Variants in IRF8 observed in about 807,000 individuals in gnomAD.
The protein encoded by IRF8 is interferon consensus sequence binding protein 1.
A neutral mutation model predicts 48.7 loss-of-function variants in IRF8; 14 were observed. The observed-to-expected ratio is 0.29, with a 90% CI of 0.19 to 0.45. The LOEUF is 0.45. Among genes scored for constraint, IRF8 ranks in the 20% least tolerant of loss-of-function variants. IRF8 has a pLI of 1.00. For missense variants in IRF8, 493 were observed against 580.7 expected, an observed-to-expected ratio of 0.85 and a Z score of 1.55; for synonymous variants, 278 against 227.3, an observed-to-expected ratio of 1.22 and a Z score of -2.01.
At position 85,919,649 on chromosome 16, in the gene IRF8, C is replaced by T. The variant is rs368638556; in HGVS notation, c.989-460C>T. 2.6e-5 allele frequency among the ~76,000 whole-genome samples: 4 copies of T among 152,334 alleles called. No individual in the cohort carries two copies. In the East Asian group the frequency reaches 5.8e-4, roughly 22 times the overall value. On this transcript the variant is annotated intron_variant, in intron 7 of 8. Coordinates refer to ENST00000268638, the MANE Select transcript of IRF8 (RefSeq NM_002163.4). ...ATCCTCTGATTCCATGGGTCTGAGG[C>T]GGGGCCCAAGATTCTACATTTCTAA...
chr16:85,903,075 T>C lies in IRF8; in HGVS notation c.60T>C (p.Ser20=), dbSNP rs763711333. 1 of 1,614,214 alleles carries C rather than the reference T, an allele frequency of 6.2e-7. No individual in the cohort carries two copies. The highest frequency in any genetic ancestry group is 8.5e-7 in the Non-Finnish European group (1 of 1,180,022). ...LRQWLIEQID[S]SMYPGLIWEN... is the part of the protein sequence containing the mutation. ...AGTGGCTGATCGAGCAGATTGACAGTAGCATGTATCCAGGACTGATTTGGG... is the reference window on the plus strand; with the variant it reads ...AGTGGCTGATCGAGCAGATTGACAGCAGCATGTATCCAGGACTGATTTGGG... Residue 20 remains serine (S), a synonymous_variant, in exon 2 of 9, where the codon AGT becomes AGC. Transcript: ENST00000268638.
chr16:85,903,284 TA>T, intron 2 of IRF8, 95 bp downstream of exon 2: 1 of 1,216,380 alleles, frequency 8.2e-7, no homozygotes, highest in Non-Finnish European at 1.2e-6. Context: ...CTCATTTACT[TA>T]AAAATTAATC....
chr16:85,911,298 A>G (rs911788556), intron 3 of IRF8, among the ~76,000 whole-genome samples: 2 of 152,208 alleles, frequency 1.3e-5, no homozygotes, highest in African/African-American at 2.4e-5. Flanking sequence ...ATCTCAGAAA[A>G]TAGAAGAAAG....
Position 85,903,111 on chromosome 16 carries a change from G to C in IRF8, c.96G>C (p.Glu32Asp), listed in dbSNP as rs747326308. 3.7e-6 allele frequency: 6 copies of C among 1,614,170 alleles called. No individual in the cohort carries two copies. The East Asian group carries it at 1.3e-4, about 36-fold the overall frequency. Reference protein sequence around the residue: ...MYPGLIWENEEKSMFRIPWKH... With the variant: ...MYPGLIWENEDKSMFRIPWKH... ...CAGGACTGATTTGGGAGAATGAGGA[G>C]AAGAGCATGTTCCGGATCCCTTGGA... Residue 32 changes from glutamate to aspartate, a missense_variant, in exon 2 of 9, where the codon GAG becomes GAC. Physicochemically the swap from Glu to Asp is conservative, Grantham distance 45. Transcript: ENST00000268638.
Position 85,914,446 on chromosome 16 carries a change from G to C in IRF8, c.554-27G>C, listed in dbSNP as rs745400044. ...CTGTACACCACACCTGGGTGGCTCTGAGCTTGCTTTTCTGTTTCTCCTGCA... is the reference window on the plus strand; with the variant it reads ...CTGTACACCACACCTGGGTGGCTCTCAGCTTGCTTTTCTGTTTCTCCTGCA... On this transcript the variant is annotated intron_variant, in intron 5 of 8. Transcript: ENST00000268638. The C allele has an allele frequency of 1.9e-5, 31 of 1,613,986 alleles. No homozygotes were observed. The East Asian group carries it at 6.7e-4, about 35-fold the overall frequency.
intron 4 of IRF8, 48 bp downstream of exon 4, chr16:85,911,706 T>G (rs1905149302): frequency 6.6e-7 from 1 of 1,518,318 alleles, no homozygotes; most frequent in African/African-American, 1.4e-5. Flanking sequence ...AGGAGGAGTC[T>G]CATGTCTTCT....
Position 85,908,927 on chromosome 16 carries a change from GGTGACGGATATTT to G in IRF8, c.175-58_175-46del, listed in dbSNP as rs1905072230. The G allele has an allele frequency of 2.1e-6, 3 of 1,402,198 alleles. 1 individual carries two copies. The East Asian group carries it at 6.8e-5, about 32-fold the overall frequency. The allele number at this position is 1,402,198 out of a possible 1,614,324, so 86.9% of individuals were successfully genotyped here. A position where few individuals can be genotyped will look rare whatever the true frequency, so the allele number is the denominator to read the frequency against. ...GAAGGATGTGTGGGGTCCTGGTCATGGTGACGGATATTTGTGATTGGAGTCGGCCATGAATTTA... is the reference window on the plus strand; with the variant it reads ...GAAGGATGTGTGGGGTCCTGGTCATGGTGATTGGAGTCGGCCATGAATTTA... On this transcript the variant is annotated intron_variant, in intron 2 of 8. Coordinates refer to ENST00000268638, the MANE Select transcript of IRF8 (RefSeq NM_002163.4).
intron 1 of IRF8, among the ~76,000 whole-genome samples, chr16:85,901,562 G>A (rs1390978062): frequency 1.3e-5 from 2 of 152,100 alleles, no homozygotes; most frequent in East Asian, 3.8e-4. Flanking sequence ...AGGCTGCCGC[G>A]AGCTATGATG....
chr16:85,916,697 T>C (rs911369363), intron 6 of IRF8, among the ~76,000 whole-genome samples: 8 of 151,982 alleles, frequency 5.3e-5, no homozygotes, highest in African/African-American at 1.7e-4. Context: ...GCCAAAGGGG[T>C]GACGGAGTTG....
At chr16:85,917,933 G>A (rs1039778326) in intron 6 of IRF8, among the ~76,000 whole-genome samples, 24 of 152,212 alleles carry the variant, frequency 1.6e-4, no homozygotes, top group Admixed American at 1.4e-3. Flanking sequence ...TACCAAGGGC[G>A]CTGTGAATTT....
In IRF8 at chr16:85,921,477, G is replaced by A. The variant is rs565899571; in HGVS notation, c.*195G>A. 25 of 645,566 alleles carry A rather than the reference G, an allele frequency of 3.9e-5. No homozygotes were observed. The highest frequency in any genetic ancestry group is 2.0e-4 in the East Asian group (7 of 35,880). The allele number at this position is 645,566 out of a possible 1,614,324, so 40.0% of individuals were successfully genotyped here. A position where few individuals can be genotyped will look rare whatever the true frequency, so the allele number is the denominator to read the frequency against. On this transcript the variant is annotated 3_prime_UTR_variant, in exon 9 of 9. Transcript: ENST00000268638. ...GGCGGCATAGCCCTGCCGAGATGTC[G>A]GTGATGGCCTGGATGCTGTAACCAC...
In IRF8 at chr16:85,920,152, C is replaced by T; in HGVS notation, c.1032C>T (p.Gly344=). The T allele has an allele frequency of 6.2e-7, 1 of 1,611,736 alleles. No individual in the cohort carries two copies. Among genetic ancestry groups the T allele is most frequent in the Non-Finnish European group, 8.5e-7 (1 of 1,178,734 alleles). Residue 344 remains glycine, a synonymous_variant, in exon 8 of 9, where the codon GGC becomes GGT. Coordinates refer to ENST00000268638, the MANE Select transcript of IRF8 (RefSeq NM_002163.4). ...ACAGCCAGGGCCGGCTTCCTGACGG[C>T]AGGGTGGTGCTGTGCTTTGGGGAAG... ...FYNSQGRLPD[G]RVVLCFGEEF...
chr16:85,908,094 T>C (rs906516043), intron 2 of IRF8, among the ~76,000 whole-genome samples: 29 of 152,382 alleles, frequency 1.9e-4, no homozygotes, highest in African/African-American at 6.7e-4. Flanking sequence ...TACTTACCTC[T>C]TGGAATTGCA....
rs746741171 is a variant in IRF8 at position 85,921,184 on chromosome 16, G to A, written c.1183G>A (p.Glu395Lys). ...AGCCGGCTCTGTGATGCAGGCCCCCGAGGAGCCGCCGCCAGACCAGGTCTT... is the reference window on the plus strand; with the variant it reads ...AGCCGGCTCTGTGATGCAGGCCCCCAAGGAGCCGCCGCCAGACCAGGTCTT... ...CGAGSVMQAP[E>K]EPPPDQVFRM... The change falls in exon 9 of 9, where the codon GAG becomes AAG. Residue 395 changes from glutamate (E) to lysine (K), a missense_variant. Glu to Lys is a moderately conservative substitution (Grantham distance 56). This residue lies in a region of IRF8 where 408 missense variants were observed against 449.6 expected (regional missense o/e 0.91). Coordinates refer to ENST00000268638, the MANE Select transcript of IRF8 (RefSeq NM_002163.4). 12 of 1,614,064 alleles carry A rather than the reference G, an allele frequency of 7.4e-6. No homozygotes were observed. The highest frequency in any genetic ancestry group is 1.6e-4 in the Middle Eastern group (1 of 6,082).
intron 6 of IRF8, 143 bp from the exon 7 acceptor site, chr16:85,918,274 T>C (rs1905385982): frequency 2.2e-6 from 2 of 902,326 alleles, no homozygotes; most frequent in South Asian, 3.3e-5. Flanking sequence ...CTACAAGCAG[T>C]ACATGGATTT....
intron 1 of IRF8, among the ~76,000 whole-genome samples, chr16:85,901,589 G>A (rs150022346): frequency 6.6e-6 from 1 of 152,150 alleles, no homozygotes; most frequent in Non-Finnish European, 1.5e-5. Flanking sequence ...CTGCACTCCT[G>A]CCTGGGTGAC....
intron 4 of IRF8, 73 bp downstream of exon 4, chr16:85,911,731 C>T: frequency 7.6e-7 from 1 of 1,323,282 alleles, no homozygotes; most frequent in East Asian, 2.3e-5. Flanking sequence ...GGGAGGGGCA[C>T]CGTTCTTGCT....
intron 5 of IRF8, 169 bp from the exon 6 acceptor site, chr16:85,914,304 C>G (rs1419075380): frequency 2.7e-6 from 2 of 728,578 alleles, no homozygotes; most frequent in Admixed American, 2.1e-5. Context: ...CAATGGCTCT[C>G]TGCTCTGGTG....
Position 85,913,251 on chromosome 16 carries a change from C to G in IRF8, c.553+15C>G. The G allele has an allele frequency of 3.2e-6, 5 of 1,581,306 alleles. No homozygotes were observed. Among genetic ancestry groups the G allele is most frequent in the Non-Finnish European group, 4.3e-6 (5 of 1,150,216 alleles). On this transcript the variant is annotated intron_variant, in intron 5 of 8. Transcript: ENST00000268638. ...GCCCAGCACAGGTGAGGGTGGGTGGCCTAGAATTGTCACCAGGCATGGCCT... is the reference window on the plus strand; with the variant it reads ...GCCCAGCACAGGTGAGGGTGGGTGGGCTAGAATTGTCACCAGGCATGGCCT...
Sources: gnomAD v4.1 joint callset for allele counts (sites outside exome capture counted in the v4.1 genomes callset) on GRCh38, gnomAD v4.1.1 for gene constraint, gnomAD v4.1.1 regional missense constraint, MANE v1.5 for transcripts, NCBI Gene and HGNC (gene_info 2026-07-23, HGNC 2026-07-21) for gene names.